PDSS2: variants seen among roughly 807,000 people sequenced by gnomAD.
The protein encoded by PDSS2 is decaprenyl diphosphate synthase subunit 2.
In PDSS2, 31 loss-of-function variants were observed where a neutral mutation model predicts 44.5. The observed-to-expected ratio is 0.70, with a 90% confidence interval of 0.52 to 0.94. The LOEUF is 0.94. Ranked by LOEUF, PDSS2 falls within the 40% of genes least tolerant of loss-of-function variation. The pLI is 0.00. For synonymous variants in PDSS2, 157 were observed against 180.3 expected (o/e 0.87, Z 1.03); for missense variants, 452 against 482.2 (o/e 0.94, Z 0.59).
chr6:107,331,721 G>A (rs1389838598), intron 2 of PDSS2, among the ~76,000 whole-genome samples: 4 of 152,046 alleles, frequency 2.6e-5, no homozygotes, highest in Non-Finnish European at 5.9e-5. Context: ...AAGTCAACCT[G>A]AGTATTAGCA....
In PDSS2 at chr6:107,239,386, A is replaced by G. The variant is rs147749016; in HGVS notation, c.702+6162T>C. On this transcript the variant is annotated intron_variant, in intron 4 of 7. Coordinates refer to ENST00000369037, the MANE Select transcript of PDSS2 (RefSeq NM_020381.4). ...ATAACAATGTGAAGAAATATTAAAC[A>G]ATCATTAAAATTATATTTTTGAAGA... Among the ~76,000 whole-genome samples, 427 of 152,286 alleles carry G rather than the reference A, an allele frequency of 2.8e-3. 2 individuals are homozygous for G. Among genetic ancestry groups the G allele is most frequent in the African/African-American group, 9.7e-3 (403 of 41,562 alleles).
intron 7 of PDSS2, among the ~76,000 whole-genome samples, chr6:107,177,467 C>T (rs1018720216): frequency 3.3e-5 from 5 of 152,090 alleles, no homozygotes; most frequent in Admixed American, 2.0e-4. Context: ...CTTGCATCAA[C>T]ATTTGATAGG....
chr6:107,368,016 A>T (rs1398231603), intron 1 of PDSS2, among the ~76,000 whole-genome samples: 2 of 152,164 alleles, frequency 1.3e-5, no homozygotes, highest in African/African-American at 2.4e-5. Context: ...CACGCCCGTA[A>T]TCCCAGCACT....
At chr6:107,162,137 A>G (rs1771155438) in intron 7 of PDSS2, among the ~76,000 whole-genome samples, 1 of 152,110 alleles carries the variant, frequency 6.6e-6, no homozygotes. Context: ...TGCATCTCTG[A>G]AGAACATTGT....
intron 1 of PDSS2, among the ~76,000 whole-genome samples, chr6:107,418,634 G>A (rs761380831): frequency 1.3e-5 from 2 of 152,112 alleles, no homozygotes; most frequent in Non-Finnish European, 2.9e-5. Flanking sequence ...AATTAGCCGG[G>A]TGTGGTGGCA....
intron 1 of PDSS2, among the ~76,000 whole-genome samples, chr6:107,420,719 C>T (rs1193144620): frequency 6.6e-6 from 1 of 151,904 alleles, no homozygotes; most frequent in Non-Finnish European, 1.5e-5. Flanking sequence ...AAAATGTGAA[C>T]CACAGAACTA....
At chr6:107,155,873 C>T (rs1222386003) in intron 7 of PDSS2, among the ~76,000 whole-genome samples, 9 of 139,072 alleles carry the variant, frequency 6.5e-5, no homozygotes, top group East Asian at 2.2e-4. Flanking sequence ...CCACCTTGCC[C>T]GGCCTTTTTT....
chr6:107,415,061 T>C (rs902710658), intron 1 of PDSS2, among the ~76,000 whole-genome samples: 5 of 152,128 alleles, frequency 3.3e-5, no homozygotes, highest in African/African-American at 1.2e-4. Flanking sequence ...TATCACAATT[T>C]TACCACTCAT....
At position 107,403,790 on chromosome 6, in the gene PDSS2, C is replaced by A. The variant is rs77054775; in HGVS notation, c.296+55200G>T. 2.3e-3 allele frequency among the ~76,000 whole-genome samples: 353 copies of A among 152,326 alleles called. 2 individuals carry two copies. The highest frequency in any genetic ancestry group is 7.9e-3 in the African/African-American group (330 of 41,570). On this transcript the variant is annotated intron_variant, in intron 1 of 7. Transcript: ENST00000369037. ...CACCAAGTCCAGCAGCTGCACACAG[C>A]AGGGGAGCCCTGGACCAGGCTCAAG...
chr6:107,307,563 T>C (rs1270911232), intron 2 of PDSS2, among the ~76,000 whole-genome samples: 1 of 151,846 alleles, frequency 6.6e-6, no homozygotes. Context: ...AGGGTGGCTG[T>C]CTATATTATT....
At chr6:107,182,145 G>A (rs1037716810) in intron 7 of PDSS2, among the ~76,000 whole-genome samples, 130 of 152,014 alleles carry the variant, frequency 8.6e-4, no homozygotes, top group African/African-American at 3.1e-3. Context: ...ATAGTCACTG[G>A]GGACAAATAC....
At chr6:107,318,204 T>C (rs1245158262) in intron 2 of PDSS2, among the ~76,000 whole-genome samples, 1 of 152,048 alleles carries the variant, frequency 6.6e-6, no homozygotes, top group Non-Finnish European at 1.5e-5. Flanking sequence ...GTTATCATAA[T>C]GAAGTATATA....
At chr6:107,224,188 G>A (rs376213806) in intron 4 of PDSS2, among the ~76,000 whole-genome samples, 2 of 151,492 alleles carry the variant, frequency 1.3e-5, no homozygotes, top group East Asian at 1.9e-4. Context: ...CTCAAAAAGC[G>A]AAACAAGATC....
chr6:107,376,804 G>C (rs1779298245), intron 1 of PDSS2, among the ~76,000 whole-genome samples: 1 of 152,104 alleles, frequency 6.6e-6, no homozygotes, highest in African/African-American at 2.4e-5. Context: ...TGTTGAATAG[G>C]AGTGGTGAGA....
rs56395630 is a variant in PDSS2, at chr6:107,416,184, G to A, written c.296+42806C>T. Among the ~76,000 whole-genome samples the A allele has an allele frequency of 6.5e-3, 983 of 152,194 alleles. 13 individuals are homozygous for A. Among genetic ancestry groups the A allele is most frequent in the African/African-American group, 0.023 (946 of 41,522 alleles). On this transcript the variant is annotated intron_variant, in intron 1 of 7. Coordinates refer to ENST00000369037, the MANE Select transcript of PDSS2 (RefSeq NM_020381.4). The stretch of plus-strand genomic sequence containing the variant: ...TCCTATGGTAAAACGACAGAACTCT[G>A]TTCCCAGGCATGTGTCTAATCCTTT...
At chr6:107,163,820 C>T (rs1771236197) in intron 7 of PDSS2, among the ~76,000 whole-genome samples, 1 of 152,170 alleles carries the variant, frequency 6.6e-6, no homozygotes, top group South Asian at 2.1e-4. Context: ...CCAGGCTGGT[C>T]TTGAACTCCT....
chr6:107,312,925 A>C (rs184811508), intron 2 of PDSS2, among the ~76,000 whole-genome samples: 2 of 152,346 alleles, frequency 1.3e-5, no homozygotes, highest in Admixed American at 1.3e-4. Context: ...CCTGGTCCTC[A>C]GAGAGTTTAC....
At position 107,319,007 on chromosome 6, in the gene PDSS2, TAC is replaced by T. The variant is rs139943860; in HGVS notation, c.431+15189_431+15190del. 6.5e-3 allele frequency among the ~76,000 whole-genome samples: 959 copies of T among 147,510 alleles called. 7 individuals are homozygous for T. The highest frequency in any genetic ancestry group is 0.01 in the Middle Eastern group (3 of 292). On this transcript the variant is annotated intron_variant, in intron 2 of 7. Transcript: ENST00000369037. Reference sequence around the variant, plus strand: ...TGTTAAAAAAGAAAATATATATATATACACACACACACACACACATACACACA... The same window carrying T: ...TGTTAAAAAAGAAAATATATATATATACACACACACACACACATACACACA...
At chr6:107,208,878 T>C (rs1448475775) in intron 6 of PDSS2, among the ~76,000 whole-genome samples, 1 of 152,166 alleles carries the variant, frequency 6.6e-6, no homozygotes, top group Non-Finnish European at 1.5e-5. Context: ...TGACTCTTAA[T>C]AGATACAAGG....
Sources: gnomAD v4.1 joint callset for allele counts (sites outside exome capture counted in the v4.1 genomes callset) on GRCh38, gnomAD v4.1.1 for gene constraint, MANE v1.5 for transcripts, NCBI Gene and HGNC (gene_info 2026-07-23, HGNC 2026-07-21) for gene names.